The following KCNJ16 variants were observed in gnomAD, a reference collection of about 807,000 sequenced individuals.
KCNJ16 encodes the protein potassium inwardly rectifying channel subfamily J member 16.
KCNJ16 carries 15 observed loss-of-function variants against 18.5 expected under a neutral mutation model. The observed-to-expected ratio is 0.81, with a 90% CI of 0.54 to 1.25. KCNJ16 has a LOEUF of 1.25. Ranked by LOEUF, KCNJ16 falls within the 50% of genes most tolerant of loss-of-function variation. KCNJ16 has a pLI of 0.00. For synonymous variants in KCNJ16, 174 were observed against 186.5 expected (o/e 0.93, Z 0.55); for missense variants, 523 against 525.7 (o/e 0.99, Z 0.05).
At chr17:70,076,764 T>C (rs1426811909) in intron 1 of KCNJ16, among the ~76,000 whole-genome samples, 5 of 152,142 alleles carry the variant, frequency 3.3e-5, no homozygotes, top group African/African-American at 7.2e-5. Flanking sequence ...TATAAATTAA[T>C]TGAAAATTAG....
intron 2 of KCNJ16, among the ~76,000 whole-genome samples, chr17:70,115,030 G>T (rs935604811): frequency 6.6e-6 from 1 of 152,096 alleles, no homozygotes; most frequent in African/African-American, 2.4e-5. Flanking sequence ...CAAAGACGTC[G>T]ATTAGTTGGT....
chr17:70,131,462 C>G, intron 3 of KCNJ16: 1 of 998,502 alleles, frequency 1.0e-6, no homozygotes, highest in Non-Finnish European at 1.2e-6. Context: ...GAAGAGAGAG[C>G]AAGCACCAGG....
chr17:70,095,732 A>G (rs1238603408), intron 1 of KCNJ16, among the ~76,000 whole-genome samples: 1 of 152,140 alleles, frequency 6.6e-6, no homozygotes, highest in African/African-American at 2.4e-5. Flanking sequence ...AGCCCTGCCC[A>G]GATTTAGGAA....
chr17:70,091,161 A>C (rs1456102562), intron 1 of KCNJ16, among the ~76,000 whole-genome samples: 2 of 152,146 alleles, frequency 1.3e-5, no homozygotes, highest in African/African-American at 2.4e-5. Flanking sequence ...GAAGAATTAC[A>C]CCAATCATGA....
At chr17:70,099,956 G>T (rs1351447641) in intron 1 of KCNJ16, among the ~76,000 whole-genome samples, 1 of 152,152 alleles carries the variant, frequency 6.6e-6, no homozygotes, top group African/African-American at 2.4e-5. Context: ...TCAAAGAAAG[G>T]AAAATACATC....
At chr17:70,117,941 T>C (rs898329793) in intron 2 of KCNJ16, among the ~76,000 whole-genome samples, 1 of 152,118 alleles carries the variant, frequency 6.6e-6, no homozygotes, top group Non-Finnish European at 1.5e-5. Context: ...TAGGATAATA[T>C]TTAAGGTAGT....
intron 2 of KCNJ16, among the ~76,000 whole-genome samples, chr17:70,114,340 T>C (rs954530089): frequency 2.6e-5 from 4 of 152,126 alleles, no homozygotes; most frequent in African/African-American, 7.2e-5. Flanking sequence ...AGAGGACAGT[T>C]TGCAGGCAGT....
At chr17:70,103,133 TTA>T (rs1453911254) in intron 2 of KCNJ16, among the ~76,000 whole-genome samples, 3 of 142,722 alleles carry the variant, frequency 2.1e-5, no homozygotes, top group South Asian at 2.2e-4. Flanking sequence ...ATATATATAT[TTA>T]TATGTGTATA....
chr17:70,116,575 A>G (rs1477943380), intron 2 of KCNJ16, among the ~76,000 whole-genome samples: 1 of 152,216 alleles, frequency 6.6e-6, no homozygotes, highest in Admixed American at 6.5e-5. Flanking sequence ...ATATAATAAC[A>G]CATTAATATT....
At chr17:70,092,220 T>C (rs1341166595) in intron 1 of KCNJ16, among the ~76,000 whole-genome samples, 25 of 152,170 alleles carry the variant, frequency 1.6e-4, no homozygotes, top group Admixed American at 1.6e-3. Context: ...TTAGCCTGTA[T>C]ATTTACAATT....
At chr17:70,104,563 G>A (rs1374534720) in intron 2 of KCNJ16, among the ~76,000 whole-genome samples, 1 of 151,396 alleles carries the variant, frequency 6.6e-6, no homozygotes. Context: ...CACTTAAGAA[G>A]CACACACTTG....
At chr17:70,105,767 G>A (rs1448022865) in intron 2 of KCNJ16, among the ~76,000 whole-genome samples, 1 of 152,170 alleles carries the variant, frequency 6.6e-6, no homozygotes, top group Non-Finnish European at 1.5e-5. Context: ...TTGCTATGGA[G>A]TAAATAACAC....
intron 2 of KCNJ16, among the ~76,000 whole-genome samples, chr17:70,109,566 CCT>C (rs751122199): frequency 6.6e-6 from 1 of 152,150 alleles, no homozygotes; most frequent in Non-Finnish European, 1.5e-5. Context: ...TTCTCTTCCC[CCT>C]GTTCTCTCAC....
chr17:70,097,267 A>G (rs974303761), intron 1 of KCNJ16, among the ~76,000 whole-genome samples: 34 of 152,284 alleles, frequency 2.2e-4, no homozygotes, highest in African/African-American at 8.2e-4. Flanking sequence ...CACTCTTGTC[A>G]GGATTTGTCC....
At chr17:70,113,940 A>G (rs770078361) in intron 2 of KCNJ16, among the ~76,000 whole-genome samples, 1 of 152,130 alleles carries the variant, frequency 6.6e-6, no homozygotes, top group Non-Finnish European at 1.5e-5. Context: ...CCCTGCTAAG[A>G]GGCCTTGAGA....
chr17:70,103,106 T>TTA (rs71149819), intron 2 of KCNJ16, among the ~76,000 whole-genome samples: 21 of 144,514 alleles, frequency 1.5e-4, no homozygotes, highest in Middle Eastern at 3.6e-3. Context: ...CTTATGTATA[T>TTA]TATATATATA....
intron 1 of KCNJ16, among the ~76,000 whole-genome samples, chr17:70,079,821 GCT>G (rs2071477739): frequency 6.6e-6 from 1 of 152,078 alleles, no homozygotes; most frequent in South Asian, 2.1e-4. Flanking sequence ...TCTTGCCTCC[GCT>G]TCCCAAGTAG....
intron 1 of KCNJ16, among the ~76,000 whole-genome samples, chr17:70,084,888 C>G (rs138299914): frequency 6.6e-6 from 1 of 152,198 alleles, no homozygotes; most frequent in East Asian, 1.9e-4. Context: ...ATTGTGAAAA[C>G]TACTTGTTTA....
At chr17:70,117,413 G>A (rs186610676) in intron 2 of KCNJ16, among the ~76,000 whole-genome samples, 2 of 151,752 alleles carry the variant, frequency 1.3e-5, no homozygotes, top group East Asian at 1.9e-4. Flanking sequence ...CAATATACCT[G>A]AATAACAAAC....
Sources: allele counts gnomAD v4.1 joint callset (sites outside exome capture counted in the v4.1 genomes callset), GRCh38; gene constraint gnomAD v4.1.1; transcripts MANE v1.5; gene names NCBI Gene and HGNC (gene_info 2026-07-23, HGNC 2026-07-21).